Variants in SORBS2 observed in about 807,000 individuals in gnomAD.
SORBS2 encodes sorbin and SH3 domain-containing protein 2.
SORBS2 carries 46 observed loss-of-function variants against 97.7 expected under a neutral mutation model. The ratio of observed to expected loss-of-function variants is 0.47; its 90% CI spans 0.37 to 0.60. SORBS2 has a LOEUF of 0.60. SORBS2 is among the 20% of genes least tolerant of loss of function. SORBS2 has a pLI of 0.00. For synonymous variants in SORBS2, 476 were observed against 473.4 expected (o/e 1.01, Z -0.07); for missense variants, 1,316 against 1,282.3 (o/e 1.03, Z -0.40).
intron 4 of SORBS2, among the ~76,000 whole-genome samples, chr4:185,633,789 C>CTT (rs5864946): frequency 7.4e-5 from 11 of 148,896 alleles, no homozygotes; most frequent in South Asian, 2.1e-4. Flanking sequence ...TTGCACTCTA[C>CTT]TTTTTTTTTT....
chr4:185,885,797 C>T (rs190080004), intron 1 of SORBS2, among the ~76,000 whole-genome samples: 446 of 152,288 alleles, frequency 2.9e-3, no homozygotes, highest in Admixed American at 4.0e-3. Context: ...GCTTCACACA[C>T]GCCCACTCCA....
At chr4:185,667,897 C>G (rs1310736493) in intron 4 of SORBS2, among the ~76,000 whole-genome samples, 2 of 151,830 alleles carry the variant, frequency 1.3e-5, no homozygotes, top group Non-Finnish European at 2.9e-5. Context: ...ATAATTCTAA[C>G]TTAATGTATT....
chr4:185,855,659 G>T (rs1486970199), intron 1 of SORBS2, among the ~76,000 whole-genome samples: 1 of 152,142 alleles, frequency 6.6e-6, no homozygotes, highest in African/African-American at 2.4e-5. Context: ...AAACACTGAA[G>T]AATCACCAGG....
chr4:185,776,407 T>C (rs891438617), intron 1 of SORBS2, among the ~76,000 whole-genome samples: 3 of 152,120 alleles, frequency 2.0e-5, no homozygotes, highest in African/African-American at 7.2e-5. Context: ...CATTGTGCCT[T>C]TACACCACCA....
chr4:185,882,628 CCAAA>C (rs946964287), intron 1 of SORBS2, among the ~76,000 whole-genome samples: 1 of 152,042 alleles, frequency 6.6e-6, no homozygotes, highest in Non-Finnish European at 1.5e-5. Context: ...CTAGAATTGT[CCAAA>C]CAAATTCTTA....
intron 5 of SORBS2, among the ~76,000 whole-genome samples, chr4:185,627,226 T>C (rs903244470): frequency 6.6e-6 from 1 of 152,218 alleles, no homozygotes; most frequent in Non-Finnish European, 1.5e-5. Flanking sequence ...TTATTTATTT[T>C]GAGATGGCTT....
intron 1 of SORBS2, among the ~76,000 whole-genome samples, chr4:185,926,411 A>AT (rs1299558899): frequency 6.6e-6 from 1 of 151,708 alleles, no homozygotes; most frequent in African/African-American, 2.4e-5. Context: ...AAAAAAGGAG[A>AT]TAGGGGAATT....
intron 2 of SORBS2, among the ~76,000 whole-genome samples, chr4:185,701,876 T>C (rs934033289): frequency 6.6e-6 from 1 of 152,002 alleles, no homozygotes; most frequent in African/African-American, 2.4e-5. Flanking sequence ...GTTCAAGTGA[T>C]TCCCCTGCCT....
chr4:185,945,155 A>G (rs1167307128), intron 1 of SORBS2, among the ~76,000 whole-genome samples: 1 of 152,244 alleles, frequency 6.6e-6, no homozygotes, highest in East Asian at 1.9e-4. Flanking sequence ...ATCAGCAGTT[A>G]CTAAGCTAAA....
At chr4:185,763,114 G>A (rs536230554) in intron 2 of SORBS2, among the ~76,000 whole-genome samples, 262 of 152,220 alleles carry the variant, frequency 1.7e-3, no homozygotes, top group African/African-American at 5.8e-3. Flanking sequence ...ACTTGAACCC[G>A]GGAGGCGGAG....
chr4:185,849,334 C>G (rs73019821), intron 1 of SORBS2, among the ~76,000 whole-genome samples: 1 of 152,096 alleles, frequency 6.6e-6, no homozygotes, highest in Admixed American at 6.6e-5. Flanking sequence ...AAGGCTCAGC[C>G]CATTGTATTT....
At chr4:185,741,296 A>G (rs1290736475) in intron 2 of SORBS2, among the ~76,000 whole-genome samples, 1 of 151,814 alleles carries the variant, frequency 6.6e-6, no homozygotes, top group East Asian at 1.9e-4. Flanking sequence ...AGGGACATGC[A>G]TGAAAAGTAC....
chr4:185,631,595 T>C (rs1031730892), intron 4 of SORBS2, among the ~76,000 whole-genome samples: 1 of 152,080 alleles, frequency 6.6e-6, no homozygotes, highest in Non-Finnish European at 1.5e-5. Flanking sequence ...AAACCCTGTC[T>C]CTACTAAATA....
At chr4:185,798,089 G>A (rs12505159) in intron 1 of SORBS2, among the ~76,000 whole-genome samples, 91,576 of 151,962 alleles carry the variant, frequency 0.6, 28,129 homozygotes, top group East Asian at 0.96. Flanking sequence ...AGAGGTGCAC[G>A]GTGTGTGCCT....
chr4:185,934,777 A>G (rs1192009848), intron 1 of SORBS2, among the ~76,000 whole-genome samples: 1 of 146,476 alleles, frequency 6.8e-6, no homozygotes, highest in Non-Finnish European at 1.5e-5. Flanking sequence ...GTGAGACTCC[A>G]TCTCAAAAAA....
chr4:185,725,890 T>A (rs1031057707), intron 2 of SORBS2, among the ~76,000 whole-genome samples: 9 of 152,200 alleles, frequency 5.9e-5, no homozygotes, highest in Admixed American at 4.6e-4. Flanking sequence ...CACAACATGA[T>A]CCTAACCTAA....
chr4:185,623,722 A>G lies in SORBS2; in HGVS notation c.1407T>C (p.Ala469=), dbSNP rs201614358. ...TAGACTGGCAGCCTCGCCGGCCCCG[A>G]GCGGGGGGGCCGCTTTGATTTTCTT... is the stretch of plus-strand genomic sequence containing the variant. Residue 469 remains alanine (A), a synonymous_variant, in exon 7 of 15, where the codon GCT becomes GCC. Transcript: ENST00000418609. The surrounding 1 kb of genome is among the most constrained non-coding windows in gnomAD (Gnocchi z 6.4). 6.2e-6 allele frequency: 10 copies of G among 1,613,806 alleles called. No homozygotes were observed. The East Asian group carries it at 2.2e-4, about 36-fold the overall frequency.
intron 1 of SORBS2, among the ~76,000 whole-genome samples, chr4:185,903,483 G>A (rs999395012): frequency 1.3e-5 from 2 of 152,238 alleles, no homozygotes; most frequent in South Asian, 4.1e-4. Context: ...CAACATTGTG[G>A]GGAAGGCCAA....
chr4:185,633,471 GT>G (rs56864890), intron 4 of SORBS2, among the ~76,000 whole-genome samples: 1,698 of 137,840 alleles, frequency 0.012, 29 homozygotes, highest in Admixed American at 0.044. Context: ...TTTATGTGTT[GT>G]TTTTTTTTTT....
Sources: allele counts gnomAD v4.1 joint callset (sites outside exome capture counted in the v4.1 genomes callset), GRCh38; gene constraint gnomAD v4.1.1; non-coding constraint Gnocchi (gnomAD v3.1); transcripts MANE v1.5; gene names NCBI Gene and HGNC (gene_info 2026-07-23, HGNC 2026-07-21).